The following KAT2B variants were observed in gnomAD, a reference collection of about 807,000 sequenced individuals.
The protein encoded by KAT2B is lysine acetyltransferase 2B.
Under a neutral mutation model 105.9 loss-of-function variants are expected in KAT2B, and 36 were observed. That is an observed-to-expected ratio of 0.34 (90% CI 0.26 to 0.45). The LOEUF (loss-of-function observed/expected upper bound fraction) is 0.45. KAT2B is among the 20% of genes least tolerant of loss of function. The probability of loss-of-function intolerance (pLI) is 1.00; values close to 1 mark genes in which losing one functional copy is unlikely to be tolerated. For missense variants in KAT2B, 820 were observed against 1,021.6 expected, an observed-to-expected ratio of 0.80 and a Z score of 2.69; for synonymous variants, 397 against 377.9, an observed-to-expected ratio of 1.05 and a Z score of -0.59.
chr3:20,044,841 G>C (rs1369004956), intron 1 of KAT2B, among the ~76,000 whole-genome samples: 1 of 152,102 alleles, frequency 6.6e-6, no homozygotes, highest in African/African-American at 2.4e-5. Context: ...TAGATTCTTA[G>C]CCATGCGGTT....
At chr3:20,082,328 C>T (rs1001841944) in intron 2 of KAT2B, among the ~76,000 whole-genome samples, 1 of 152,152 alleles carries the variant, frequency 6.6e-6, no homozygotes, top group Admixed American at 6.6e-5. Context: ...AGCCACTGCA[C>T]CCGGCCACGG....
intron 7 of KAT2B, among the ~76,000 whole-genome samples, chr3:20,118,522 A>C (rs1172855439): frequency 1.3e-5 from 2 of 149,542 alleles, no homozygotes; most frequent in Non-Finnish European, 3.0e-5. Flanking sequence ...TTTGAGTTTG[A>C]GACCAGCCTG....
chr3:20,126,078 G>A lies in KAT2B; in HGVS notation c.1587G>A (p.Met529Ile), dbSNP rs769601797. 6.2e-7 allele frequency: 1 copy of A among 1,612,170 alleles called. No individual in the cohort carries two copies. The highest frequency in any genetic ancestry group is 1.1e-5 in the South Asian group (1 of 90,906). ...QNVFSHQLPR[M>I]PKEYITRLVF... ...TTTTCTCCCACCAGCTGCCCCGAAT[G>A]CCAAAAGAATACATCACACGGCTCG... Residue 529 changes from methionine to isoleucine, a missense_variant, in exon 10 of 18, where the codon ATG (methionine) becomes ATA (isoleucine). Around this residue, in one of 6 missense-constraint regions of KAT2B, gnomAD observed 225 missense variants for 268.1 expected, o/e 0.84. Transcript: ENST00000263754.
intron 2 of KAT2B, among the ~76,000 whole-genome samples, chr3:20,086,444 C>CA (rs959711773): frequency 3.9e-4 from 60 of 152,018 alleles, no homozygotes; most frequent in African/African-American, 1.4e-3. Context: ...ACGGAAAATA[C>CA]AAAAAAATTA....
chr3:20,060,259 G>A (rs1698076897), intron 1 of KAT2B, among the ~76,000 whole-genome samples: 1 of 152,098 alleles, frequency 6.6e-6, no homozygotes, highest in South Asian at 2.1e-4. Flanking sequence ...GGATTTGCTG[G>A]GTCATGTGGT....
intron 1 of KAT2B, among the ~76,000 whole-genome samples, chr3:20,059,622 G>A (rs1025484342): frequency 1.3e-5 from 2 of 151,018 alleles, no homozygotes; most frequent in African/African-American, 4.9e-5. Flanking sequence ...GGAGAATGGC[G>A]TGAACCTGGG....
At chr3:20,073,480 A>T (rs1300500647) in intron 2 of KAT2B, among the ~76,000 whole-genome samples, 1 of 152,190 alleles carries the variant, frequency 6.6e-6, no homozygotes, top group Non-Finnish European at 1.5e-5. Context: ...GTATTTCAAT[A>T]TTTACAGAGC....
chr3:20,086,460 G>C (rs898619109), intron 2 of KAT2B, among the ~76,000 whole-genome samples: 1 of 152,042 alleles, frequency 6.6e-6, no homozygotes, highest in Non-Finnish European at 1.5e-5. Context: ...AATTAGCCAG[G>C]CATGGTGGTA....
chr3:20,070,331 A>G (rs1222980327), intron 1 of KAT2B, among the ~76,000 whole-genome samples: 2 of 130,938 alleles, frequency 1.5e-5, no homozygotes, highest in African/African-American at 2.9e-5. Context: ...TTTGAGATGG[A>G]GTCTCGCTCT....
At chr3:20,054,801 C>G (rs991082655) in intron 1 of KAT2B, among the ~76,000 whole-genome samples, 1 of 152,156 alleles carries the variant, frequency 6.6e-6, no homozygotes, top group African/African-American at 2.4e-5. Flanking sequence ...TGAAGTGAGT[C>G]ATGTAACCCA....
At chr3:20,128,675 G>C (rs1256313008) in intron 11 of KAT2B, among the ~76,000 whole-genome samples, 1 of 152,028 alleles carries the variant, frequency 6.6e-6, no homozygotes, top group East Asian at 1.9e-4. Flanking sequence ...CTACTTTCTT[G>C]CTTTTAAGAA....
chr3:20,053,768 T>C (rs1697956800), intron 1 of KAT2B, among the ~76,000 whole-genome samples: 1 of 152,170 alleles, frequency 6.6e-6, no homozygotes, highest in African/African-American at 2.4e-5. Flanking sequence ...ATTGTTCCTT[T>C]ACCATTTAGG....
At chr3:20,040,861 C>CTCCGCCT in intron 1 of KAT2B, 81 bp downstream of exon 1, 7 of 1,415,088 alleles carry the variant, frequency 4.9e-6, no homozygotes, top group Non-Finnish European at 6.5e-6. Flanking sequence ...CCGCTTCCAC[C>CTCCGCCT]TCCGCCTCCC....
intron 11 of KAT2B, among the ~76,000 whole-genome samples, chr3:20,130,064 G>A (rs1341776505): frequency 2.6e-5 from 4 of 152,032 alleles, no homozygotes; most frequent in Admixed American, 2.0e-4. Flanking sequence ...TGCAACCTCC[G>A]CCTCCTGGGT....
chr3:20,062,004 T>TAATATATAATATATAAAAC (rs1698118501), intron 1 of KAT2B, among the ~76,000 whole-genome samples: 1 of 97,394 alleles, frequency 1.0e-5, no homozygotes, highest in African/African-American at 3.9e-5. Flanking sequence ...ATAAAACATA[T>TAATATATAATATATAAAAC]AATATATATT....
intron 9 of KAT2B, among the ~76,000 whole-genome samples, chr3:20,123,324 C>A (rs1037036071): frequency 1.3e-5 from 2 of 152,144 alleles, no homozygotes; most frequent in Non-Finnish European, 2.9e-5. Flanking sequence ...TCTTACATAA[C>A]CACAATGCAG....
chr3:20,139,711 A>G (rs1411813407), intron 12 of KAT2B, among the ~76,000 whole-genome samples: 1 of 152,156 alleles, frequency 6.6e-6, no homozygotes, highest in East Asian at 1.9e-4. Flanking sequence ...ATGTCATTGA[A>G]ACAACCACAC....
chr3:20,073,945 C>G (rs1457202121), intron 2 of KAT2B, among the ~76,000 whole-genome samples: 3 of 152,204 alleles, frequency 2.0e-5, no homozygotes, highest in East Asian at 3.8e-4. Flanking sequence ...CAGATTGTCT[C>G]CATTCTAAGC....
intron 5 of KAT2B, among the ~76,000 whole-genome samples, chr3:20,103,560 C>T (rs558258334): frequency 1.3e-5 from 2 of 152,124 alleles, no homozygotes; most frequent in African/African-American, 4.8e-5. Context: ...CAGGCACATG[C>T]CACCATGCCT....
Sources: allele counts gnomAD v4.1 joint callset (sites outside exome capture counted in the v4.1 genomes callset), GRCh38; gene constraint gnomAD v4.1.1; regional missense constraint gnomAD v4.1.1; transcripts MANE v1.5; gene names NCBI Gene and HGNC (gene_info 2026-07-23, HGNC 2026-07-21).